Variants in PLXDC2 observed in about 807,000 individuals in gnomAD.
PLXDC2 encodes plexin domain-containing protein 2.
A neutral mutation model predicts 68.9 loss-of-function variants in PLXDC2; 40 were observed. That is an observed-to-expected ratio of 0.58 (90% confidence interval 0.45 to 0.76). PLXDC2 has a LOEUF of 0.76. PLXDC2 is among the 30% of genes least tolerant of loss of function. The pLI is 0.00. For synonymous variants in PLXDC2, 243 were observed against 234.2 expected (o/e 1.04, Z -0.34); for missense variants, 644 against 661.9 (o/e 0.97, Z 0.30).
At chr10:20,022,687 C>T (rs568858055) in intron 2 of PLXDC2, among the ~76,000 whole-genome samples, 3 of 152,092 alleles carry the variant, frequency 2.0e-5, no homozygotes, top group Non-Finnish European at 4.4e-5. Context: ...ATAGCCTCCT[C>T]GCCTCCTGTG....
intron 1 of PLXDC2, among the ~76,000 whole-genome samples, chr10:19,891,022 C>A (rs1055087675): frequency 1.3e-5 from 2 of 152,040 alleles, no homozygotes; most frequent in Non-Finnish European, 2.9e-5. Context: ...TAACTTCTGA[C>A]CTCATTTCTT....
intron 4 of PLXDC2, among the ~76,000 whole-genome samples, chr10:20,138,491 C>G (rs995023606): frequency 2.6e-5 from 4 of 152,132 alleles, no homozygotes; most frequent in African/African-American, 9.7e-5. Context: ...TTTGGAATTG[C>G]GAGACCTATA....
chr10:19,975,141 C>G (rs1035092110), intron 1 of PLXDC2, among the ~76,000 whole-genome samples: 4 of 152,068 alleles, frequency 2.6e-5, no homozygotes, highest in African/African-American at 9.7e-5. Flanking sequence ...GGTTTTTCAC[C>G]TTTAATAATT....
At chr10:20,074,001 T>C (rs1481120920) in intron 4 of PLXDC2, among the ~76,000 whole-genome samples, 1 of 152,106 alleles carries the variant, frequency 6.6e-6, no homozygotes, top group Non-Finnish European at 1.5e-5. Context: ...TACAACTTTA[T>C]GTAAAGGGGA....
rs550681100 is a variant in PLXDC2, at chr10:20,122,046, C to G, written c.542-21249C>G. On this transcript the variant is annotated intron_variant, in intron 4 of 13. Coordinates refer to ENST00000377252, the MANE Select transcript of PLXDC2 (RefSeq NM_032812.9). ...ATACAAGAGGAGGACGCAAAGGAGG[C>G]TTTGGATTGGGAAGAAGGGCAGCCA... Among the ~76,000 whole-genome samples, 293 of 151,744 alleles carry G rather than the reference C, an allele frequency of 1.9e-3. 2 individuals carry two copies. Among genetic ancestry groups the G allele is most frequent in the African/African-American group, 6.3e-3 (258 of 41,238 alleles).
chr10:19,860,035 C>A (rs566926492), intron 1 of PLXDC2, among the ~76,000 whole-genome samples: 1 of 152,114 alleles, frequency 6.6e-6, no homozygotes. Context: ...CTGCCAGAAA[C>A]CTATTTGTAT....
chr10:20,246,025 C>T (rs1448769197), intron 13 of PLXDC2, among the ~76,000 whole-genome samples: 2 of 152,156 alleles, frequency 1.3e-5, no homozygotes, highest in Non-Finnish European at 2.9e-5. Context: ...GTGCTGTTGC[C>T]ATTTTGCATA....
intron 4 of PLXDC2, among the ~76,000 whole-genome samples, chr10:20,117,431 A>G (rs1833636914): frequency 6.6e-6 from 1 of 152,146 alleles, no homozygotes; most frequent in Non-Finnish European, 1.5e-5. Context: ...GTGTGAGTGC[A>G]CATGTATACT....
intron 4 of PLXDC2, among the ~76,000 whole-genome samples, chr10:20,069,623 A>G (rs1357023473): frequency 1.3e-5 from 2 of 152,118 alleles, no homozygotes; most frequent in South Asian, 2.1e-4. Context: ...CCATTGCACT[A>G]TAGCCTGGCT....
intron 13 of PLXDC2, among the ~76,000 whole-genome samples, chr10:20,255,829 G>T (rs74483666): frequency 0.043 from 6,592 of 151,886 alleles, 225 homozygotes; most frequent in South Asian, 0.097. Flanking sequence ...AACAATCAAT[G>T]GTATTTTTAG....
chr10:19,903,134 CTT>C (rs926391120), intron 1 of PLXDC2, among the ~76,000 whole-genome samples: 1 of 150,970 alleles, frequency 6.6e-6, no homozygotes, highest in Non-Finnish European at 1.5e-5. Context: ...TCTGTAGGTT[CTT>C]TTTTTTTGTT....
chr10:20,184,567 G>A (rs1032311003), intron 9 of PLXDC2, among the ~76,000 whole-genome samples: 4 of 150,888 alleles, frequency 2.7e-5, no homozygotes, highest in Non-Finnish European at 5.9e-5. Context: ...TTCTTACATA[G>A]GGGCAGCTAA....
chr10:19,956,697 T>C (rs1237155563), intron 1 of PLXDC2, among the ~76,000 whole-genome samples: 1 of 152,238 alleles, frequency 6.6e-6, no homozygotes, highest in Non-Finnish European at 1.5e-5. Context: ...ACTGTATCTG[T>C]CTCACATATT....
At chr10:20,044,113 T>C (rs1283048957) in intron 2 of PLXDC2, among the ~76,000 whole-genome samples, 1 of 134,792 alleles carries the variant, frequency 7.4e-6, no homozygotes, top group Non-Finnish European at 1.6e-5. Context: ...CCTTCCTTCC[T>C]TCCTTCCTTC....
At chr10:20,216,665 A>G (rs541772394) in intron 10 of PLXDC2, among the ~76,000 whole-genome samples, 1 of 152,332 alleles carries the variant, frequency 6.6e-6, no homozygotes, top group South Asian at 2.1e-4. Context: ...TGAGAGAGGG[A>G]GTCCACTGCG....
intron 3 of PLXDC2, among the ~76,000 whole-genome samples, chr10:20,054,207 C>T (rs1338417007): frequency 6.6e-6 from 1 of 151,846 alleles, no homozygotes; most frequent in Non-Finnish European, 1.5e-5. Flanking sequence ...AGGATTTTTA[C>T]TGAAGGAGGG....
At chr10:19,967,731 C>T (rs1834287486) in intron 1 of PLXDC2, among the ~76,000 whole-genome samples, 1 of 152,170 alleles carries the variant, frequency 6.6e-6, no homozygotes, top group Non-Finnish European at 1.5e-5. Context: ...GACTTGCTTT[C>T]TTTCTCATTT....
intron 1 of PLXDC2, among the ~76,000 whole-genome samples, chr10:19,818,527 G>A (rs1836400777): frequency 6.6e-6 from 1 of 152,162 alleles, no homozygotes; most frequent in African/African-American, 2.4e-5. Flanking sequence ...GAAGGGGTGT[G>A]TGTGTTGGGG....
At chr10:19,870,214 G>A (rs1377157849) in intron 1 of PLXDC2, among the ~76,000 whole-genome samples, 2 of 152,140 alleles carry the variant, frequency 1.3e-5, no homozygotes, top group African/African-American at 2.4e-5. Context: ...AAGATAGACA[G>A]GGAGGAGGAG....
Sources: allele counts gnomAD v4.1 joint callset (sites outside exome capture counted in the v4.1 genomes callset), GRCh38; gene constraint gnomAD v4.1.1; transcripts MANE v1.5; gene names NCBI Gene and HGNC (gene_info 2026-07-23, HGNC 2026-07-21).